The following NKAIN2 variants were observed in gnomAD, a reference collection of about 807,000 sequenced individuals.
NKAIN2 encodes the protein sodium/potassium transporting ATPase interacting 2.
A neutral mutation model predicts 32.6 loss-of-function variants in NKAIN2; 14 were observed. That is an observed-to-expected ratio of 0.43 (90% confidence interval 0.28 to 0.67). NKAIN2 has a LOEUF of 0.67. Ranked by LOEUF, NKAIN2 falls within the 30% of genes least tolerant of loss-of-function variation. The pLI is 0.17. For synonymous variants in NKAIN2, 80 were observed against 87.2 expected, an observed-to-expected ratio of 0.92 and a Z score of 0.46; for missense variants, 198 against 258.3, an observed-to-expected ratio of 0.77 and a Z score of 1.60.
At chr6:124,174,474 A>G (rs59953583) in intron 1 of NKAIN2, among the ~76,000 whole-genome samples, 18,190 of 152,132 alleles carry the variant, frequency 0.12, 2,578 homozygotes, top group African/African-American at 0.34. Context: ...AAAAACTCAT[A>G]ATTTTAGTAA....
intron 1 of NKAIN2, among the ~76,000 whole-genome samples, chr6:123,998,761 G>C (rs1389776599): frequency 5.3e-5 from 8 of 150,330 alleles, no homozygotes; most frequent in African/African-American, 2.0e-4. Context: ...GTGTGTGTGT[G>C]TGTGTGTGTG....
intron 1 of NKAIN2, among the ~76,000 whole-genome samples, chr6:123,806,427 C>T (rs1773216120): frequency 6.6e-6 from 1 of 151,942 alleles, no homozygotes; most frequent in Non-Finnish European, 1.5e-5. Context: ...AATGATCACA[C>T]CTCAAAGGAC....
At chr6:124,377,519 A>G (rs1226369843) in intron 3 of NKAIN2, among the ~76,000 whole-genome samples, 1 of 152,192 alleles carries the variant, frequency 6.6e-6, no homozygotes, top group African/African-American at 2.4e-5. Context: ...AATATTTCAA[A>G]TGGTACCTAA....
Position 124,274,292 on chromosome 6 carries a change from A to C in NKAIN2, c.55-8713A>C, listed in dbSNP as rs542749727. Among the ~76,000 whole-genome samples the C allele has an allele frequency of 2.0e-4, 31 of 152,318 alleles. No homozygotes were observed. In the South Asian group the frequency reaches 6.2e-3, roughly 31 times the overall value. ...TTGTAGTAATAGAGTAATAGTAATA[A>C]TCATGGTTATTTTATAAGGTCATCA... is the stretch of plus-strand genomic sequence containing the variant. On this transcript the variant is annotated intron_variant, in intron 1 of 6. Coordinates refer to ENST00000368417, the MANE Select transcript of NKAIN2 (RefSeq NM_001040214.3).
intron 1 of NKAIN2, among the ~76,000 whole-genome samples, chr6:124,148,850 A>T (rs1787560340): frequency 1.3e-5 from 2 of 152,194 alleles, no homozygotes; most frequent in South Asian, 4.1e-4. Flanking sequence ...TGCTATGGCA[A>T]CTGTGTTTAA....
At chr6:124,709,919 T>A (rs1775344215) in intron 4 of NKAIN2, among the ~76,000 whole-genome samples, 1 of 152,168 alleles carries the variant, frequency 6.6e-6, no homozygotes, top group African/African-American at 2.4e-5. Flanking sequence ...TTAATTGTAA[T>A]GTTAGGGTGT....
chr6:124,327,698 TA>T (rs992491848), intron 2 of NKAIN2, among the ~76,000 whole-genome samples: 2 of 152,162 alleles, frequency 1.3e-5, no homozygotes, highest in African/African-American at 2.4e-5. Flanking sequence ...TGATAGCCAT[TA>T]TTTTTTTAAA....
chr6:124,437,858 G>A (rs370259828), intron 3 of NKAIN2: 9 of 392,670 alleles, frequency 2.3e-5, no homozygotes, highest in Admixed American at 6.4e-5. Context: ...TAGGGAATAC[G>A]TACTGATCTA....
chr6:124,791,332 G>A lies in NKAIN2; in HGVS notation c.475-7G>A, dbSNP rs371264703. 251 of 1,606,642 alleles carry A rather than the reference G, an allele frequency of 1.6e-4. No homozygotes were observed. The highest frequency in any genetic ancestry group is 2.0e-4 in the Non-Finnish European group (231 of 1,174,588). On this transcript the variant is annotated splice_polypyrimidine_tract_variant and splice_region_variant and intron_variant, in intron 4 of 6. Transcript: ENST00000368417. ...CTGATGTCTAAAGCATCTCTGTTTTGTTTCAGCTGGCAGGTTTCATCTACG... is the reference window on the plus strand; with the variant it reads ...CTGATGTCTAAAGCATCTCTGTTTTATTTCAGCTGGCAGGTTTCATCTACG...
At chr6:124,167,730 G>T (rs147476105) in intron 1 of NKAIN2, among the ~76,000 whole-genome samples, 1,727 of 152,128 alleles carry the variant, frequency 0.011, 30 homozygotes, top group African/African-American at 0.04. Flanking sequence ...TAGCATGAAG[G>T]GTTGTTGAAT....
intron 3 of NKAIN2, among the ~76,000 whole-genome samples, chr6:124,463,901 T>G (rs78458885): frequency 4.6e-5 from 7 of 152,110 alleles, no homozygotes; most frequent in Non-Finnish European, 1.0e-4. Context: ...TAGAAATGTC[T>G]AAAACGTCTA....
chr6:124,400,815 A>G (rs1773593077), intron 3 of NKAIN2, among the ~76,000 whole-genome samples: 1 of 152,222 alleles, frequency 6.6e-6, no homozygotes, highest in Non-Finnish European at 1.5e-5. Context: ...GTGGCATCCC[A>G]GAACCCTTCC....
At position 123,996,667 on chromosome 6, in the gene NKAIN2, G is replaced by C. The variant is rs1779632632; in HGVS notation, c.54+192413G>C. On this transcript the variant is annotated intron_variant, in intron 1 of 6. Coordinates refer to ENST00000368417, the MANE Select transcript of NKAIN2 (RefSeq NM_001040214.3). ...TGCCTTATTTATATTTTGGACATCTGAACATACTTTATTCTTGTTGACATA... is the reference window on the plus strand; with the variant it reads ...TGCCTTATTTATATTTTGGACATCTCAACATACTTTATTCTTGTTGACATA... 2.6e-5 allele frequency among the ~76,000 whole-genome samples: 4 copies of C among 152,108 alleles called. No homozygotes were observed. The South Asian group carries it at 8.3e-4, about 32-fold the overall frequency.
chr6:123,889,990 C>T (rs1191427819), intron 1 of NKAIN2, among the ~76,000 whole-genome samples: 2 of 152,070 alleles, frequency 1.3e-5, no homozygotes, highest in African/African-American at 4.8e-5. Flanking sequence ...GATTGCCACT[C>T]ATCTGCATGT....
chr6:123,826,856 A>G (rs1476482978), intron 1 of NKAIN2, among the ~76,000 whole-genome samples: 1 of 152,140 alleles, frequency 6.6e-6, no homozygotes, highest in Non-Finnish European at 1.5e-5. Context: ...TTGGGTGTAT[A>G]TCCAGAAGTG....
At chr6:124,263,734 G>A (rs767683775) in intron 1 of NKAIN2, among the ~76,000 whole-genome samples, 4 of 132,024 alleles carry the variant, frequency 3.0e-5, no homozygotes, top group South Asian at 2.3e-4. Context: ...TAAACAGCAC[G>A]TGACAACACC....
In NKAIN2 at chr6:124,628,967, C is replaced by G. The variant is rs180754029; in HGVS notation, c.274-29219C>G. Among the ~76,000 whole-genome samples the G allele has an allele frequency of 8.3e-3, 1,266 of 152,148 alleles. 19 individuals carry two copies. Among genetic ancestry groups the G allele is most frequent in the African/African-American group, 0.029 (1,211 of 41,510 alleles). On this transcript the variant is annotated intron_variant, in intron 3 of 6. Transcript: ENST00000368417. Reference sequence around the variant, plus strand: ...TGAGCATTCTACAGATCAGCTAGCTCAAAAGTAAGAGGGAAAGTGTGAATG... The same window carrying G: ...TGAGCATTCTACAGATCAGCTAGCTGAAAAGTAAGAGGGAAAGTGTGAATG...
chr6:124,239,754 A>T (rs1792972771), intron 1 of NKAIN2, among the ~76,000 whole-genome samples: 1 of 152,212 alleles, frequency 6.6e-6, no homozygotes, highest in South Asian at 2.1e-4. Flanking sequence ...CAGTGTTTAG[A>T]GGGAAATTTA....
At chr6:123,986,465 T>C (rs6910567) in intron 1 of NKAIN2, among the ~76,000 whole-genome samples, 110,144 of 151,570 alleles carry the variant, frequency 0.73, 40,984 homozygotes, top group African/African-American at 0.87. Context: ...ATCTGGTAAA[T>C]GACTGTTGGT....
Sources: gnomAD v4.1 joint callset for allele counts (sites outside exome capture counted in the v4.1 genomes callset) on GRCh38, gnomAD v4.1.1 for gene constraint, MANE v1.5 for transcripts, NCBI Gene and HGNC (gene_info 2026-07-23, HGNC 2026-07-21) for gene names.